ZNF512B: variants seen among roughly 807,000 people sequenced by gnomAD.
The protein encoded by ZNF512B is zinc finger protein 512B.
ZNF512B carries 22 observed loss-of-function variants against 87.8 expected under a neutral mutation model. The ratio of observed to expected loss-of-function variants is 0.25; its 90% confidence interval spans 0.18 to 0.36. The LOEUF (loss-of-function observed/expected upper bound fraction) is 0.36. Among genes scored for constraint, ZNF512B ranks in the 10% least tolerant of loss-of-function variants. The probability of loss-of-function intolerance (pLI) is 1.00; values close to 1 mark genes in which losing one functional copy is unlikely to be tolerated. For synonymous variants in ZNF512B, 524 were observed against 490.9 expected (o/e 1.07, Z -0.89); for missense variants, 1,060 against 1,231.6 (o/e 0.86, Z 2.09).
Position 63,962,726 on chromosome 20 carries a change from T to G in ZNF512B, c.2024A>C (p.Glu675Ala). Reference sequence around the variant, plus strand: ...GCGGACACGCCCGCTTGGGGTCCGCTCCACACCCAGCGGGTCCTCAGCCTC... The same window carrying G: ...GCGGACACGCCCGCTTGGGGTCCGCGCCACACCCAGCGGGTCCTCAGCCTC... Reference protein sequence around the residue: ...SPEAEDPLGVERTPSGRVRRT... With the variant: ...SPEAEDPLGVARTPSGRVRRT... Residue 675 changes from glutamate to alanine, a missense_variant, in exon 13 of 17, where the codon GAG (glutamate) becomes GCG (alanine). Transcript: ENST00000369888. 4 of 1,603,198 alleles carry G rather than the reference T, an allele frequency of 2.5e-6. No individual in the cohort carries two copies. Among genetic ancestry groups the G allele is most frequent in the Non-Finnish European group, 3.4e-6 (4 of 1,176,326 alleles).
rs781010278 is a variant in ZNF512B, at chr20:63,961,425, G to A, written c.2329-18C>T. The A allele has an allele frequency of 3.1e-6, 5 of 1,607,762 alleles. No homozygotes were observed. The East Asian group carries it at 8.9e-5, about 29-fold the overall frequency. On this transcript the variant is annotated intron_variant, in intron 15 of 16. Transcript: ENST00000369888. This position sits in a 1 kb window ranked among gnomAD's most constrained non-coding sequence, Gnocchi z 6.4. Reference sequence around the variant, plus strand: ...TGGGCCCCCTGCAATGCATAGGCAGGCCAGTGCCCCAGCCCTTGGAGGACC... The same window carrying A: ...TGGGCCCCCTGCAATGCATAGGCAGACCAGTGCCCCAGCCCTTGGAGGACC...
Position 63,963,250 on chromosome 20 carries a change from A to C in ZNF512B, c.1813T>G (p.Phe605Val). 1 of 1,546,746 alleles carries C rather than the reference A, an allele frequency of 6.5e-7. No individual in the cohort carries two copies. The highest frequency in any genetic ancestry group is 1.9e-5 in the Admixed American group (1 of 51,642). The change falls in exon 12 of 17, where the codon TTC becomes GTC. Residue 605 changes from phenylalanine to valine, a missense_variant. Transcript: ENST00000369888. The stretch of plus-strand genomic sequence containing the variant: ...TACTGGTAGCCCATGAGGCTGGAGA[A>C]GGCAGCCCCGCAACCCTGGGGGTCA... ...RCPQEGCGAA[F>V]SSLMGYQYHQ...
chr20:63,965,575 C>A (rs1346128583), intron 5 of ZNF512B, among the ~76,000 whole-genome samples: 1 of 16,024 alleles, frequency 6.2e-5, no homozygotes, highest in Non-Finnish European at 1.1e-4. Context: ...CACCACTGTT[C>A]CTCCCCAACC....
At chr20:63,967,080 C>G (rs1275824338) in intron 3 of ZNF512B, 76 bp from the exon 4 acceptor site, 2 of 1,586,458 alleles carry the variant, frequency 1.3e-6, no homozygotes, top group Admixed American at 3.4e-5. Context: ...AGACTCAGAG[C>G]CCCCCCGGGC....
Position 63,967,410 on chromosome 20 carries a change from C to G in ZNF512B, c.235G>C (p.Ala79Pro). Residue 79 changes from alanine to proline, a missense_variant, in exon 3 of 17, where the codon GCC becomes CCC. By Grantham distance (27) the Ala-to-Pro change is conservative (BLOSUM62 -1). Transcript: ENST00000369888. ...ATGTCTCGGAGGGCCTGGTTCTCGG[C>G]TTTTGGCCGCCCCTTTTTCTTCCCT... ...TEGKKKGRPK[A>P]ENQALRDIPL... 6.2e-7 allele frequency: 1 copy of G among 1,612,632 alleles called. No individual in the cohort carries two copies. The highest frequency in any genetic ancestry group is 8.5e-7 in the Non-Finnish European group (1 of 1,179,130).
Position 63,961,975 on chromosome 20 carries a change from G to A in ZNF512B, c.2295C>T (p.Ser765=), listed in dbSNP as rs148172000. 3.9e-4 allele frequency: 605 copies of A among 1,551,038 alleles called. 1 individual carries two copies. Among genetic ancestry groups the A allele is most frequent in the Non-Finnish European group, 5.0e-4 (576 of 1,146,918 alleles). Residue 765 remains serine, a synonymous_variant, in exon 15 of 17, where the codon TCC becomes TCT. Transcript: ENST00000369888. The surrounding 1 kb of genome is among the most constrained non-coding windows in gnomAD (Gnocchi z 6.4). ...AGCTGGCGAGATGAGCCTTGAGTCC[G>A]GACACGCTGGAGTAGATGGCTTCAC... ...DCCEAIYSSV[S]GLKAHLASCS...
Position 63,966,331 on chromosome 20 carries a change from C to T in ZNF512B, c.844G>A (p.Val282Met), listed in dbSNP as rs1418070112. The change falls in exon 5 of 17, where the codon GTG becomes ATG. Residue 282 changes from valine (V) to methionine (M), a missense_variant. This residue lies in a region of ZNF512B where 201 missense variants were observed against 226.8 expected (regional missense o/e 0.89). Coordinates refer to ENST00000369888, the MANE Select transcript of ZNF512B (RefSeq NM_020713.3). ...VTKPITVTKL[V>M]TVTKPVPVTK... is the part of the protein sequence containing the mutation. ...ACCGGCACGGGTTTCGTAACTGTCA[C>T]AAGCTTTGTTACCGTAATGGGTTTG... The T allele has an allele frequency of 6.3e-7, 1 of 1,595,218 alleles. No homozygotes were observed. The highest frequency in any genetic ancestry group is 1.7e-5 in the Admixed American group (1 of 58,472).
chr20:63,962,590 T>G lies in ZNF512B; in HGVS notation c.2160A>C (p.Ala720=). Residue 720 remains alanine, a synonymous_variant, in exon 13 of 17, where the codon GCA becomes GCC. Coordinates refer to ENST00000369888, the MANE Select transcript of ZNF512B (RefSeq NM_020713.3). The stretch of plus-strand genomic sequence containing the variant: ...AGCCCTGGGGGGGGCAGCTCACCCG[T>G]GCGGTCTCGGGCACAAGGTCATCCT... ...RMKDDLVPET[A]RLNYTRPGLP... 1 of 1,604,452 alleles carries G rather than the reference T, an allele frequency of 6.2e-7. No homozygotes were observed.
intron 2 of ZNF512B, 81 bp downstream of exon 2, chr20:63,967,749 G>A: frequency 6.4e-7 from 1 of 1,559,176 alleles, no homozygotes; most frequent in Non-Finnish European, 8.7e-7. Flanking sequence ...CCTGGAGACA[G>A]GACGCCCAGG....
chr20:63,962,395 G>C, intron 13 of ZNF512B, 21 bp from the exon 14 acceptor site: 1 of 1,603,208 alleles, frequency 6.2e-7, no homozygotes, highest in South Asian at 1.1e-5. Context: ...GACAGCACCA[G>C]GGTGAGCCTG....
At chr20:63,960,666 G>C (rs2427575) in intron 16 of ZNF512B, among the ~76,000 whole-genome samples, 2 of 127,546 alleles carry the variant, frequency 1.6e-5, no homozygotes, top group Non-Finnish European at 3.3e-5. Flanking sequence ...GGACCAGGCA[G>C]GCACCTGCAG....
At position 63,959,573 on chromosome 20, in the gene ZNF512B, A is replaced by G; in HGVS notation, c.*315T>C. 2.7e-6 allele frequency: 1 copy of G among 372,158 alleles called. No individual in the cohort carries two copies. The highest frequency in any genetic ancestry group is 4.8e-6 in the Non-Finnish European group (1 of 208,852). 23.1% of individuals were successfully genotyped at this position (372,158 alleles called of 1,614,324 possible). ...AAGCGGAGCCGGGGGGCCAAAGGCCATCTGCCTACTCTGCGCTGCAGCCCC... is the reference window on the plus strand; with the variant it reads ...AAGCGGAGCCGGGGGGCCAAAGGCCGTCTGCCTACTCTGCGCTGCAGCCCC... On this transcript the variant is annotated 3_prime_UTR_variant, in exon 17 of 17. Transcript: ENST00000369888.
Position 63,968,005 on chromosome 20 carries a change from G to A in ZNF512B, c.-2-53C>T, listed in dbSNP as rs559239292. ...GCCTGACGGGCCCCACTTGGAACAC[G>A]TGGTGAGGCTGCCCTGGAGCCCTGC... is the stretch of plus-strand genomic sequence containing the variant. On this transcript the variant is annotated intron_variant, in intron 1 of 16. Transcript: ENST00000369888. 35 of 1,568,534 alleles carry A rather than the reference G, an allele frequency of 2.2e-5. No individual in the cohort carries two copies. In the African/African-American group the frequency reaches 2.4e-4, roughly 11 times the overall value.
chr20:63,960,720 G>C (rs2058841806), intron 16 of ZNF512B, among the ~76,000 whole-genome samples: 1 of 132,912 alleles, frequency 7.5e-6, no homozygotes, highest in Non-Finnish European at 1.6e-5. Context: ...AGCACCTGCA[G>C]GGGGCTGGAC....
chr20:63,967,713 G>C (rs2058942620), intron 2 of ZNF512B, 117 bp downstream of exon 2: 5 of 1,511,400 alleles, frequency 3.3e-6, no homozygotes, highest in Non-Finnish European at 4.4e-6. Context: ...TAAGGTCCTT[G>C]GGAACTCTAG....
chr20:63,969,428 T>C (rs1601490386), intron 1 of ZNF512B, among the ~76,000 whole-genome samples: 2 of 151,352 alleles, frequency 1.3e-5, no homozygotes, highest in Non-Finnish European at 3.0e-5. Context: ...GTCCGCCGCG[T>C]AGGCCGTTCG....
intron 5 of ZNF512B, among the ~76,000 whole-genome samples, chr20:63,965,456 C>T (rs1421280649): frequency 7.1e-5 from 1 of 14,032 alleles, no homozygotes; most frequent in Non-Finnish European, 1.4e-4. Context: ...CGACCTGGGA[C>T]GAGCCCCCAT....
chr20:63,957,639 G>C lies in ZNF512B; in HGVS notation c.*2249C>G, dbSNP rs983320453. 2.0e-5 allele frequency: 3 copies of C among 152,662 alleles called. No homozygotes were observed. Among genetic ancestry groups the C allele is most frequent in the African/African-American group, 7.2e-5 (3 of 41,430 alleles). The allele number at this position is 152,662 out of a possible 1,614,324, so 9.5% of individuals were successfully genotyped here. A position where few individuals can be genotyped will look rare whatever the true frequency, so the allele number is the denominator to read the frequency against. On this transcript the variant is annotated 3_prime_UTR_variant, in exon 17 of 17. Coordinates refer to ENST00000369888, the MANE Select transcript of ZNF512B (RefSeq NM_020713.3). Reference sequence around the variant, plus strand: ...TCTTCCCACACCAGGGATTATCTGTGGGCTTTGGGAGTGTCCCGGAAACTC... The same window carrying C: ...TCTTCCCACACCAGGGATTATCTGTCGGCTTTGGGAGTGTCCCGGAAACTC...
chr20:63,961,930 C>T lies in ZNF512B; in HGVS notation c.2328+12G>A, dbSNP rs1429847491. On this transcript the variant is annotated intron_variant, in intron 15 of 16. Transcript: ENST00000369888. The surrounding 1 kb of genome is among the most constrained non-coding windows in gnomAD (Gnocchi z 6.4). ...CAGCGCACCTGGCCGTGGGGCAGGC[C>T]CCAGAACTGACCTTACTGCAGCTGG... The T allele has an allele frequency of 6.4e-7, 1 of 1,550,794 alleles. No individual in the cohort carries two copies. Among genetic ancestry groups the T allele is most frequent in the Non-Finnish European group, 8.7e-7 (1 of 1,146,882 alleles).
Sources: allele counts gnomAD v4.1 joint callset (sites outside exome capture counted in the v4.1 genomes callset), GRCh38; gene constraint gnomAD v4.1.1; regional missense constraint gnomAD v4.1.1; non-coding constraint Gnocchi (gnomAD v3.1); transcripts MANE v1.5; gene names NCBI Gene and HGNC (gene_info 2026-07-23, HGNC 2026-07-21).